LRRC9: variants seen among roughly 807,000 people sequenced by gnomAD.
LRRC9 encodes leucine rich repeat containing 9, also known as leucine-rich repeat-containing protein 9.
A neutral mutation model predicts 63.2 loss-of-function variants in LRRC9; 122 were observed. The observed-to-expected ratio is 1.93, with a 90% confidence interval of 1.67 to 2.24. The LOEUF is 2.24. LRRC9 is among the 30% of genes most tolerant of loss of function. The pLI is 0.00. For missense variants in LRRC9, 1,071 were observed against 627.7 expected, an observed-to-expected ratio of 1.71 and a Z score of -7.55; for synonymous variants, 366 against 213.1, an observed-to-expected ratio of 1.72 and a Z score of -6.25.
intron 8 of LRRC9, among the ~76,000 whole-genome samples, chr14:59,957,913 G>T (rs1398351281): frequency 2.0e-5 from 3 of 152,150 alleles, no homozygotes; most frequent in Non-Finnish European, 4.4e-5. Flanking sequence ...CAGTTTGCTG[G>T]AGGTCAACTC....
intron 22 of LRRC9, among the ~76,000 whole-genome samples, chr14:60,007,365 TC>T (rs1448567433): frequency 6.6e-6 from 1 of 152,156 alleles, no homozygotes; most frequent in Non-Finnish European, 1.5e-5. Context: ...CCTCTTGTTT[TC>T]AGTAGTTTTA....
intron 1 of LRRC9, among the ~76,000 whole-genome samples, chr14:59,926,777 T>C (rs948699358): frequency 6.6e-6 from 1 of 152,186 alleles, no homozygotes; most frequent in African/African-American, 2.4e-5. Context: ...ATGTTGCAAA[T>C]AACAGTAGTT....
chr14:59,977,209 GT>G lies in LRRC9; in HGVS notation c.1640-9del. ...TTAATTATTCTTAAGAATTACTTCTGTTTTTTTATATTTAGGCATCCTCCTC... is the reference window on the plus strand; with the variant it reads ...TTAATTATTCTTAAGAATTACTTCTGTTTTTTATATTTAGGCATCCTCCTC... On this transcript the variant is annotated splice_polypyrimidine_tract_variant and intron_variant, in intron 13 of 31. Transcript: ENST00000445360. The G allele has an allele frequency of 3.0e-6, 2 of 661,600 alleles. No individual in the cohort carries two copies. Among genetic ancestry groups the G allele is most frequent in the Non-Finnish European group, 5.4e-6 (2 of 373,042 alleles). The allele number at this position is 661,600 out of a possible 1,614,324, so 41.0% of individuals were successfully genotyped here.
At chr14:59,983,309 C>T (rs1165295055) in intron 16 of LRRC9, among the ~76,000 whole-genome samples, 1 of 152,164 alleles carries the variant, frequency 6.6e-6, no homozygotes, top group Non-Finnish European at 1.5e-5. Flanking sequence ...GAGGCCCTGT[C>T]CTGTGTCTGT....
intron 29 of LRRC9, among the ~76,000 whole-genome samples, chr14:60,034,007 TTTTC>T (rs1489487826): frequency 4.4e-4 from 40 of 90,320 alleles, no homozygotes; most frequent in African/African-American, 1.3e-3. Flanking sequence ...TTATGTAATT[TTTTC>T]TTTCTTTTTT....
At chr14:59,978,736 A>C (rs1446978202) in intron 15 of LRRC9, among the ~76,000 whole-genome samples, 1 of 152,214 alleles carries the variant, frequency 6.6e-6, no homozygotes, top group South Asian at 2.1e-4. Flanking sequence ...ATTTCAGTGA[A>C]CATCATTGTA....
chr14:59,972,376 A>G (rs1885612230), intron 12 of LRRC9, among the ~76,000 whole-genome samples: 1 of 152,118 alleles, frequency 6.6e-6, no homozygotes, highest in Admixed American at 6.6e-5. Flanking sequence ...ACAAATTTAC[A>G]TTCATGTGTC....
chr14:59,974,243 C>A (rs550493730), intron 12 of LRRC9, among the ~76,000 whole-genome samples: 1 of 152,170 alleles, frequency 6.6e-6, no homozygotes, highest in South Asian at 2.1e-4. Flanking sequence ...ATTAGATTTT[C>A]TTTTTGGAGT....
intron 18 of LRRC9, 29 bp from the exon 19 acceptor site, chr14:59,999,072 T>C (rs1889098506): frequency 1.6e-6 from 1 of 633,110 alleles, no homozygotes; most frequent in African/African-American, 1.8e-5. Flanking sequence ...TAACAGTTTA[T>C]AAAAAATTTT....
downstream of LRRC9, among the ~76,000 whole-genome samples, chr14:60,064,527 G>A (rs571433429): frequency 6.6e-6 from 1 of 152,152 alleles, no homozygotes; most frequent in Admixed American, 6.5e-5. Flanking sequence ...CTTTTTAAAT[G>A]CTGTATGTCT....
rs1280869861 is a variant in LRRC9 at position 60,053,844 on chromosome 14, T to G, written c.4131+639T>G. ...CATGACCATCTTCTAAAGACTAAAT[T>G]TAACACAGAAAATCTATGGTTTTTG... is the stretch of plus-strand genomic sequence containing the variant. On this transcript the variant is annotated intron_variant, in intron 30 of 31. Transcript: ENST00000445360. The surrounding 1 kb of genome is among the most constrained non-coding windows in gnomAD (Gnocchi z 4.8). 2.3e-6 allele frequency: 1 copy of G among 435,620 alleles called. No homozygotes were observed. 27.0% of individuals were successfully genotyped at this position (435,620 alleles called of 1,614,324 possible). A position where few individuals can be genotyped will look rare whatever the true frequency, so the allele number is the denominator to read the frequency against.
Position 59,959,905 on chromosome 14 carries a change from C to T in LRRC9, c.970C>T (p.Leu324=), listed in dbSNP as rs898037809. The change falls in exon 9 of 32, where the codon CTG becomes TTG. Residue 324 remains leucine (L), a synonymous_variant. Coordinates refer to ENST00000445360, the Ensembl canonical transcript of LRRC9. ...CAGTAAAGTAACTGATCCTGAAACACTGAAGAGTTGTGAAACTGTCACTGA... is the reference window on the plus strand; with the variant it reads ...CAGTAAAGTAACTGATCCTGAAACATTGAAGAGTTGTGAAACTGTCACTGA... 5.7e-6 allele frequency: 4 copies of T among 700,784 alleles called. 1 individual carries two copies. The highest frequency in any genetic ancestry group is 4.5e-5 in the South Asian group (3 of 67,224). The allele number at this position is 700,784 out of a possible 1,614,324, so 43.4% of individuals were successfully genotyped here.
At position 60,004,881 on chromosome 14, in the gene LRRC9, T is replaced by TACACACACACACAC. The variant is rs10550604; in HGVS notation, c.2842+1094_2842+1107dup. Among the ~76,000 whole-genome samples the TACACACACACACAC allele has an allele frequency of 6.7e-6, 1 of 150,242 alleles. No individual in the cohort carries two copies. The highest frequency in any genetic ancestry group is 2.4e-5 in the African/African-American group (1 of 40,992). On this transcript the variant is annotated intron_variant, in intron 21 of 31. Coordinates refer to ENST00000445360, the Ensembl canonical transcript of LRRC9. The surrounding 1 kb of genome is among the most constrained non-coding windows in gnomAD (Gnocchi z 4.8). ...AAAGAGAAATATGTATATGTGTGTA[T>TACACACACACACAC]ACACACACACACACACACACACACT...
chr14:60,006,881 A>G (rs1889852212), intron 22 of LRRC9: 1 of 234,252 alleles, frequency 4.3e-6, no homozygotes, highest in Non-Finnish European at 8.2e-6. Flanking sequence ...ATTCCTTAGC[A>G]TTCTCCTGTT....
intron 17 of LRRC9, among the ~76,000 whole-genome samples, chr14:59,993,860 A>C (rs992169703): frequency 4.6e-5 from 7 of 152,312 alleles, no homozygotes; most frequent in Admixed American, 2.6e-4. Flanking sequence ...ACACAATAAT[A>C]ATGGGAGACT....
chr14:60,065,672 A>AAAAAG, downstream of LRRC9, among the ~76,000 whole-genome samples: 1 of 144,460 alleles, frequency 6.9e-6, no homozygotes, highest in Non-Finnish European at 1.5e-5. Flanking sequence ...AAAAACTGTA[A>AAAAAG]AAGAGAGTAA....
intron 30 of LRRC9, among the ~76,000 whole-genome samples, chr14:60,054,904 G>C (rs1024147136): frequency 6.6e-6 from 1 of 152,104 alleles, no homozygotes; most frequent in Admixed American, 6.5e-5. Context: ...TGGGACTACA[G>C]GCATGTGCCA....
At chr14:59,951,517 C>T (rs1333542152) in intron 8 of LRRC9, among the ~76,000 whole-genome samples, 1 of 144,362 alleles carries the variant, frequency 6.9e-6, no homozygotes, top group Admixed American at 7.0e-5. Context: ...CATTCTCCAT[C>T]CAGCTTTGTT....
intron 21 of LRRC9, among the ~76,000 whole-genome samples, chr14:60,005,002 CAG>C (rs1284332064): frequency 6.6e-6 from 1 of 151,934 alleles, no homozygotes; most frequent in Non-Finnish European, 1.5e-5. Context: ...GGCTGGGAAA[CAG>C]AATTTACATT....
Sources: gnomAD v4.1 joint callset for allele counts (sites outside exome capture counted in the v4.1 genomes callset) on GRCh38, gnomAD v4.1.1 for gene constraint, Gnocchi (gnomAD v3.1) non-coding constraint, MANE v1.5 for transcripts, NCBI Gene and HGNC (gene_info 2026-07-23, HGNC 2026-07-21) for gene names.